Variants in DNAH6 observed in about 807,000 individuals in gnomAD.
DNAH6 encodes axonemal beta dynein heavy chain 6.
Under a neutral mutation model 491.4 loss-of-function variants are expected in DNAH6, and 340 were observed. The observed-to-expected ratio is 0.69, with a 90% CI of 0.63 to 0.76. The LOEUF (loss-of-function observed/expected upper bound fraction) is 0.76, where lower values mean the gene tolerates loss of function less well. Among genes scored for constraint, DNAH6 ranks in the 30% least tolerant of loss-of-function variants. DNAH6 has a pLI of 0.00. For missense variants in DNAH6, 4,443 were observed against 4,972.2 expected (o/e 0.89, Z 3.20); for synonymous variants, 1,603 against 1,686.1 (o/e 0.95, Z 1.21).
chr2:84,675,095 T>C (rs190713633), intron 40 of DNAH6, among the ~76,000 whole-genome samples: 16 of 152,220 alleles, frequency 1.1e-4, no homozygotes, highest in African/African-American at 1.4e-4. Context: ...CAAATAGCCT[T>C]GCTCACAGGG....
intron 63 of DNAH6, among the ~76,000 whole-genome samples, chr2:84,749,172 A>G (rs1314444743): frequency 6.6e-6 from 1 of 152,222 alleles, no homozygotes; most frequent in Admixed American, 6.5e-5. Context: ...GAGGGGACAA[A>G]CATTCAAACT....
At chr2:84,655,565 T>G (rs1573376934) in intron 35 of DNAH6, among the ~76,000 whole-genome samples, 1 of 152,250 alleles carries the variant, frequency 6.6e-6, no homozygotes, top group African/African-American at 2.4e-5. Flanking sequence ...TTTAAGAATA[T>G]TATGGTCTAG....
intron 7 of DNAH6, among the ~76,000 whole-genome samples, chr2:84,547,889 C>T (rs1285579900): frequency 1.3e-5 from 2 of 151,306 alleles, no homozygotes; most frequent in African/African-American, 2.4e-5. Context: ...CATCTCTCTG[C>T]TTAAAGATAT....
intron 52 of DNAH6, 84 bp downstream of exon 52, chr2:84,705,831 G>T: frequency 7.1e-7 from 1 of 1,406,988 alleles, no homozygotes; most frequent in South Asian, 1.6e-5. Flanking sequence ...ATGTTACTGT[G>T]GTCCTACGCA....
intron 39 of DNAH6, among the ~76,000 whole-genome samples, chr2:84,671,362 C>A (rs910883981): frequency 6.6e-6 from 1 of 152,130 alleles, no homozygotes; most frequent in Non-Finnish European, 1.5e-5. Flanking sequence ...CCCTCACTCT[C>A]CAGCAGTCCA....
intron 71 of DNAH6, 151 bp from the exon 72 acceptor site, chr2:84,808,264 A>C (rs921772765): frequency 1.1e-6 from 1 of 873,334 alleles, no homozygotes; most frequent in South Asian, 2.1e-5. Context: ...ATTCTAAATT[A>C]TAGAAACATC....
intron 6 of DNAH6, 39 bp from the exon 7 acceptor site, chr2:84,547,453 C>A: frequency 1.9e-6 from 3 of 1,551,510 alleles, no homozygotes; most frequent in Non-Finnish European, 2.6e-6. Context: ...ATTTTTGATA[C>A]TTCAGTATCA....
chr2:84,528,850 G>C (rs886361588), intron 3 of DNAH6, 54 bp from the exon 4 acceptor site: 2 of 1,461,236 alleles, frequency 1.4e-6, no homozygotes, highest in Non-Finnish European at 1.8e-6. Context: ...TGTTGCTCTT[G>C]TGTGTATGTG....
chr2:84,653,608 G>T lies in DNAH6; in HGVS notation c.5368G>T (p.Val1790Phe). The change falls in exon 34 of 77, where the codon GTT becomes TTT. Residue 1790 changes from valine (V) to phenylalanine (F), a missense_variant. Physicochemically the swap from Val to Phe is conservative, Grantham distance 50. Coordinates refer to ENST00000389394, the MANE Select transcript of DNAH6 (RefSeq NM_001370.2). ...NSFYQAVKTYVLNPKSITMGE... is the reference protein window; with the variant it reads ...NSFYQAVKTYFLNPKSITMGE... ...CTTTTACCAAGCAGTTAAAACATATGTTCTCAACCCTAAATCAATTACCAT... is the reference window on the plus strand; with the variant it reads ...CTTTTACCAAGCAGTTAAAACATATTTTCTCAACCCTAAATCAATTACCAT... The T allele has an allele frequency of 3.2e-6, 5 of 1,551,298 alleles. No homozygotes were observed. Among genetic ancestry groups the T allele is most frequent in the Non-Finnish European group, 4.4e-6 (5 of 1,146,718 alleles).
At chr2:84,604,726 T>C (rs1685585682) in intron 19 of DNAH6, among the ~76,000 whole-genome samples, 175 bp downstream of exon 19, 1 of 152,078 alleles carries the variant, frequency 6.6e-6, no homozygotes, top group South Asian at 2.1e-4. Flanking sequence ...TCTAAAAATC[T>C]CCTCCTTCTG....
intron 11 of DNAH6, among the ~76,000 whole-genome samples, chr2:84,558,289 G>A (rs4441482): frequency 0.82 from 124,201 of 151,894 alleles, 53,362 homozygotes; most frequent in East Asian, 0.99. Flanking sequence ...TTAGCCAGGC[G>A]TGGTGGCGGG....
At chr2:84,533,705 A>G (rs1409786076) in intron 4 of DNAH6, among the ~76,000 whole-genome samples, 1 of 152,166 alleles carries the variant, frequency 6.6e-6, no homozygotes, top group Non-Finnish European at 1.5e-5. Context: ...CAAAGAGCTG[A>G]TAAGAATTTG....
the DNAH6 span, among the ~76,000 whole-genome samples, chr2:84,479,243 G>A: frequency 2.8e-4 from 43 of 152,220 alleles, no homozygotes; most frequent in Admixed American, 5.2e-4. Context: ...GTAAAACAGG[G>A]ATGTATGGTC....
At chr2:84,566,050 T>G (rs1681167100) in intron 11 of DNAH6, among the ~76,000 whole-genome samples, 1 of 151,990 alleles carries the variant, frequency 6.6e-6, no homozygotes, top group African/African-American at 2.4e-5. Context: ...TATCCAGCTA[T>G]CCTCTCTATG....
intron 63 of DNAH6, among the ~76,000 whole-genome samples, chr2:84,761,350 A>T (rs1044198950): frequency 2.2e-5 from 3 of 139,070 alleles, no homozygotes; most frequent in African/African-American, 6.4e-5. Flanking sequence ...GATGGAGGAT[A>T]AAAAAAAAAT....
At chr2:84,675,111 C>T (rs7572184) in intron 40 of DNAH6, among the ~76,000 whole-genome samples, 10,725 of 152,252 alleles carry the variant, frequency 0.07, 1,255 homozygotes, top group African/African-American at 0.24. Flanking sequence ...CAGGGCCTTT[C>T]CTTAAACCCC....
chr2:84,509,284 T>C, the DNAH6 span, among the ~76,000 whole-genome samples: 2 of 152,240 alleles, frequency 1.3e-5, no homozygotes, highest in Non-Finnish European at 1.5e-5. Flanking sequence ...ATATGCACTT[T>C]AGGATAGTTA....
At chr2:84,598,880 A>C (rs1404555688) in intron 18 of DNAH6, among the ~76,000 whole-genome samples, 1 of 152,076 alleles carries the variant, frequency 6.6e-6, no homozygotes, top group African/African-American at 2.4e-5. Context: ...AAATACAAAA[A>C]TTAGCTGGGC....
At chr2:84,802,338 T>C (rs77804980) in intron 70 of DNAH6, among the ~76,000 whole-genome samples, 4,097 of 152,226 alleles carry the variant, frequency 0.027, 58 homozygotes, top group Middle Eastern at 0.092. Flanking sequence ...ATGACAACTA[T>C]AGGCTCAAAG....
Sources: gnomAD v4.1 joint callset for allele counts (sites outside exome capture counted in the v4.1 genomes callset) on GRCh38, gnomAD v4.1.1 for gene constraint, MANE v1.5 for transcripts, NCBI Gene and HGNC (gene_info 2026-07-23, HGNC 2026-07-21) for gene names.